The following RIF1 variants were observed in gnomAD, a reference collection of about 807,000 sequenced individuals.
RIF1 encodes replication timing regulatory factor 1.
A neutral mutation model predicts 247.1 loss-of-function variants in RIF1; 45 were observed. The observed-to-expected ratio is 0.18, with a 90% CI of 0.14 to 0.23. The LOEUF is 0.23. RIF1 is among the 10% of genes least tolerant of loss of function. The probability of loss-of-function intolerance (pLI) is 1.00; values close to 1 mark genes in which losing one functional copy is unlikely to be tolerated. For synonymous variants in RIF1, 1,087 were observed against 978.8 expected, an observed-to-expected ratio of 1.11 and a Z score of -2.06; for missense variants, 2,967 against 2,862.5, an observed-to-expected ratio of 1.04 and a Z score of -0.83.
the RIF1 span, chr2:151,533,573 C>T: frequency 7.3e-7 from 1 of 1,368,100 alleles, no homozygotes; most frequent in Non-Finnish European, 1.0e-6. Flanking sequence ...CAGTGAAGCA[C>T]AAAAGAGACT....
chr2:151,496,565 G>T (rs2060330145), intron 10 of RIF1, among the ~76,000 whole-genome samples: 1 of 152,190 alleles, frequency 6.6e-6, no homozygotes, highest in Admixed American at 6.5e-5. Context: ...CTCTAGAGAA[G>T]CAGGGACCTC....
At chr2:151,500,540 TA>T (rs1364834917) in intron 11 of RIF1, among the ~76,000 whole-genome samples, 4 of 151,608 alleles carry the variant, frequency 2.6e-5, no homozygotes, top group Admixed American at 6.6e-5. Context: ...CCTGGATTTC[TA>T]TTCATGAAAT....
intron 11 of RIF1, chr2:151,501,486 G>T (rs1467422429): frequency 1.4e-6 from 2 of 1,464,030 alleles, no homozygotes; most frequent in African/African-American, 2.8e-5. Context: ...TACAATATCT[G>T]TGTGCACAAA....
At chr2:151,411,794 T>C (rs1258229261) in intron 3 of RIF1, among the ~76,000 whole-genome samples, 1 of 152,248 alleles carries the variant, frequency 6.6e-6, no homozygotes, top group East Asian at 1.9e-4. Flanking sequence ...TCTTTATTGT[T>C]ACTTAAAGCT....
chr2:151,527,115 A>G, the RIF1 span: 2 of 784,154 alleles, frequency 2.6e-6, no homozygotes, highest in Non-Finnish European at 4.2e-6. Flanking sequence ...CCTCTTAAGG[A>G]GAGGACAAAG....
chr2:151,497,699 A>C, intron 10 of RIF1: 1 of 1,579,862 alleles, frequency 6.3e-7, no homozygotes. Context: ...TCCCTTGCCC[A>C]TGTTTTCTTT....
At chr2:151,410,636 A>G (rs562003251) in intron 2 of RIF1, 109 bp downstream of exon 2, 63 of 906,976 alleles carry the variant, frequency 6.9e-5, no homozygotes, top group South Asian at 2.6e-4. Flanking sequence ...AAGTCTAGCA[A>G]ATGTGAGGAC....
rs1033586284 is a variant in RIF1, at chr2:151,440,012, T to C, written c.1547-15T>C. 1 of 1,120,000 alleles carries C rather than the reference T, an allele frequency of 8.9e-7. No individual in the cohort carries two copies. Among genetic ancestry groups the C allele is most frequent in the Admixed American group, 2.1e-5 (1 of 46,536 alleles). 69.4% of individuals were successfully genotyped at this position (1,120,000 alleles called of 1,614,324 possible). ...AAAAAAAAAGAACTATACCCTTCTTTTTGCTTTTTGATAGGTAACAAAAAA... is the reference window on the plus strand; with the variant it reads ...AAAAAAAAAGAACTATACCCTTCTTCTTGCTTTTTGATAGGTAACAAAAAA... On this transcript the variant is annotated splice_polypyrimidine_tract_variant and intron_variant, in intron 14 of 35. Coordinates refer to ENST00000444746, the MANE Select transcript of RIF1 (RefSeq NM_018151.5).
chr2:151,464,251 TGAAAGTGTTGACATTCAA>T lies in RIF1; in HGVS notation c.4734_4751del (p.Glu1578_Gln1583del), dbSNP rs1696592807. On this transcript the variant is annotated inframe_deletion, in exon 30 of 36. Transcript: ENST00000444746. ...CTGGAAAATGGAAAAACAAAAGCAA[TGAAAGTGTTGACATTCAA>T]GATCAAGAAGAGAAAGTGGTGAAAC... is the stretch of plus-strand genomic sequence containing the variant. 1.2e-6 allele frequency: 2 copies of T among 1,613,736 alleles called. No homozygotes were observed. The highest frequency in any genetic ancestry group is 1.6e-4 in the Middle Eastern group (1 of 6,062).
chr2:151,514,495 G>C, the RIF1 span: 1 of 1,275,874 alleles, frequency 7.8e-7, no homozygotes, highest in Admixed American at 1.7e-5. Context: ...AGGCAAAGAA[G>C]AAAATAAAAA....
At position 151,451,704 on chromosome 2, in the gene RIF1, A is replaced by G; in HGVS notation, c.2343A>G (p.Lys781=). 7.4e-7 allele frequency: 1 copy of G among 1,359,550 alleles called. No individual in the cohort carries two copies. Among genetic ancestry groups the G allele is most frequent in the Non-Finnish European group, 1.1e-6 (1 of 950,952 alleles). The allele number at this position is 1,359,550 out of a possible 1,614,324, so 84.2% of individuals were successfully genotyped here. A position where few individuals can be genotyped will look rare whatever the true frequency, so the allele number is the denominator to read the frequency against. The change falls in exon 21 of 36, where the codon AAA becomes AAG. Residue 781 remains lysine, a splice_region_variant and synonymous_variant. Coordinates refer to ENST00000444746, the MANE Select transcript of RIF1 (RefSeq NM_018151.5). ...ATATTAAATATCAGCCCAAAGTTAA[A>G]TGTAAGTATGTATTTTTTAACCTTT... ...PYNIKYQPKV[K]SPQRPSDWSK...
At chr2:151,497,151 G>GA (rs2060775927) in intron 10 of RIF1, 1 of 1,346,772 alleles carries the variant, frequency 7.4e-7, no homozygotes, top group African/African-American at 1.5e-5. Flanking sequence ...CAAGGAGCCA[G>GA]AAGTTATATG....
At chr2:151,486,003 T>G, downstream of RIF1, 4 of 1,488,544 alleles carry the variant, frequency 2.7e-6, no homozygotes, top group Non-Finnish European at 9.3e-7. Flanking sequence ...CATCTATTTG[T>G]AAGATCTCTC....
In RIF1 at chr2:151,465,397, G is replaced by A. The variant is rs995461230; in HGVS notation, c.5877G>A (p.Leu1959=). ...ACTCTGAAGCAGACACAGCTAAACT[G>A]AATGCCAAAGAAGTAGCAACTGAGG... ...NDDSEADTAK[L]NAKEVATEEF... is the part of the protein sequence containing the mutation. The change falls in exon 30 of 36, where the codon CTG becomes CTA. Residue 1959 remains leucine, a synonymous_variant. Transcript: ENST00000444746. The A allele has an allele frequency of 6.2e-7, 1 of 1,613,396 alleles. No individual in the cohort carries two copies. The highest frequency in any genetic ancestry group is 1.3e-5 in the African/African-American group (1 of 74,858).
the RIF1 span, chr2:151,532,158 G>A: frequency 2.2e-5 from 6 of 274,058 alleles, no homozygotes; most frequent in South Asian, 3.1e-4. Flanking sequence ...GTGCAGTGGT[G>A]CGATCTCGGC....
chr2:151,490,565 A>G (rs758544183), intron 9 of RIF1: 9 of 1,582,882 alleles, frequency 5.7e-6, no homozygotes, highest in Non-Finnish European at 1.7e-6. Flanking sequence ...TGAAATTTCT[A>G]TGGTAGTAAT....
intron 10 of RIF1, among the ~76,000 whole-genome samples, chr2:151,433,831 T>C (rs1453382505): frequency 6.6e-6 from 1 of 152,190 alleles, no homozygotes; most frequent in African/African-American, 2.4e-5. Flanking sequence ...AAGGGTTTTT[T>C]CCCCTAGAGC....
At chr2:151,467,016 G>A (rs1205574847) in intron 30 of RIF1, among the ~76,000 whole-genome samples, 1 of 152,122 alleles carries the variant, frequency 6.6e-6, no homozygotes, top group Non-Finnish European at 1.5e-5. Flanking sequence ...TCACCTGAGG[G>A]TCGGGAGTTC....
intron 21 of RIF1, among the ~76,000 whole-genome samples, chr2:151,452,182 C>G (rs904158752): frequency 1.3e-5 from 2 of 152,092 alleles, no homozygotes; most frequent in Non-Finnish European, 2.9e-5. Context: ...TTTAACTCAT[C>G]GTTTACCTGA....
Sources: gnomAD v4.1 joint callset for allele counts (sites outside exome capture counted in the v4.1 genomes callset) on GRCh38, gnomAD v4.1.1 for gene constraint, MANE v1.5 for transcripts, NCBI Gene and HGNC (gene_info 2026-07-23, HGNC 2026-07-21) for gene names.